The following ZSCAN12 variants were observed in gnomAD, a reference collection of about 807,000 sequenced individuals.
ZSCAN12 encodes the protein zinc finger and SCAN domain-containing protein 12.
A neutral mutation model predicts 23.4 loss-of-function variants in ZSCAN12; 18 were observed. The ratio of observed to expected loss-of-function variants is 0.77; its 90% confidence interval spans 0.53 to 1.14. The LOEUF is 1.14. Ranked by LOEUF, ZSCAN12 falls within the 50% of genes most tolerant of loss-of-function variation. ZSCAN12 has a pLI of 0.00. For synonymous variants in ZSCAN12, 186 were observed against 253.4 expected (o/e 0.73, Z 2.53); for missense variants, 650 against 735.0 (o/e 0.88, Z 1.34).
chr6:28,380,579 C>T (rs142387753), downstream of ZSCAN12: 92 of 153,854 alleles, frequency 6.0e-4, no homozygotes, highest in Middle Eastern at 0.017. Flanking sequence ...TCCCACATTC[C>T]TTATGGTGAC....
At chr6:28,381,153 A>G (rs548396244), downstream of ZSCAN12, 3 of 152,334 alleles carry the variant, frequency 2.0e-5, no homozygotes, top group East Asian at 5.8e-4. Context: ...AGTATAATCA[A>G]AAAAGAGAAG....
chr6:28,381,762 C>G (rs1400826523), downstream of ZSCAN12: 1 of 152,160 alleles, frequency 6.6e-6, no homozygotes, highest in Non-Finnish European at 1.5e-5. Context: ...TGATCTGAAA[C>G]CTTTCATTCC....
rs34325224 is a variant in ZSCAN12 at position 28,390,146 on chromosome 6, CTGT to C, written c.*305_*307del. On this transcript the variant is annotated 3_prime_UTR_variant, in exon 4 of 4. Coordinates refer to ENST00000684592, the MANE Select transcript of ZSCAN12 (RefSeq NM_001163391.2). ...CTTTAGAATTTACAGCACTTATAGT[CTGT>C]TACAAAGTACCACTTTCATTCGACA... 0.54 allele frequency among the ~76,000 whole-genome samples: 81,779 copies of C among 151,782 alleles called. 25,700 individuals are homozygous for C. The highest frequency in any genetic ancestry group is 0.88 in the African/African-American group (36,261 of 41,354).
downstream of ZSCAN12, chr6:28,382,676 T>A: frequency 6.6e-7 from 1 of 1,520,692 alleles, no homozygotes; most frequent in Non-Finnish European, 8.8e-7. Flanking sequence ...AAGAACTCAC[T>A]TATCTGAACA....
At chr6:28,398,567 C>T in intron 1 of ZSCAN12, 94 bp from the exon 2 acceptor site, 1 of 667,916 alleles carries the variant, frequency 1.5e-6, no homozygotes, top group Non-Finnish European at 2.4e-6. Flanking sequence ...AATCTGACCT[C>T]CGGATTAATG....
intron 2 of ZSCAN12, among the ~76,000 whole-genome samples, chr6:28,397,016 A>G (rs17393066): frequency 0.04 from 6,075 of 152,236 alleles, 121 homozygotes; most frequent in Middle Eastern, 0.071. Flanking sequence ...CCTAAGTTTC[A>G]AACTCTTTAT....
Position 28,390,442 on chromosome 6 carries a change from TC to T in ZSCAN12, c.*11del. On this transcript the variant is annotated 3_prime_UTR_variant, in exon 4 of 4. Transcript: ENST00000684592. ...CCGGCCTGAACTCTGTGAGATAACT[TC>T]CCTGTAGTCATCACACAGAAACAGA... is the stretch of plus-strand genomic sequence containing the variant. 1 of 1,522,164 alleles carries T rather than the reference TC, an allele frequency of 6.6e-7. No homozygotes were observed. The highest frequency in any genetic ancestry group is 8.8e-7 in the Non-Finnish European group (1 of 1,132,600). 94.3% of individuals were successfully genotyped at this position (1,522,164 alleles called of 1,614,324 possible).
rs1272275965 is a variant in ZSCAN12 at position 28,386,480 on chromosome 6, A to G, written c.*3974T>C. ...ATGCTTCAGAGGTTTCTGGTTTCCT[A>G]GGATCTTGTCACTGTCACACCACAT... On this transcript the variant is annotated 3_prime_UTR_variant, in exon 4 of 4. Transcript: ENST00000684592. Among the ~76,000 whole-genome samples, 1 of 152,198 alleles carries G rather than the reference A, an allele frequency of 6.6e-6. No homozygotes were observed. The highest frequency in any genetic ancestry group is 1.5e-5 in the Non-Finnish European group (1 of 68,016).
In ZSCAN12 at chr6:28,398,339, C is replaced by T. The variant is rs1361676270; in HGVS notation, c.67G>A (p.Glu23Lys). The T allele has an allele frequency of 1.9e-6, 3 of 1,554,564 alleles. No homozygotes were observed. The highest frequency in any genetic ancestry group is 1.7e-6 in the Non-Finnish European group (2 of 1,148,592). The change falls in exon 2 of 4, where the codon GAA becomes AAA. Residue 23 changes from glutamate (E) to lysine (K), a missense_variant. Transcript: ENST00000684592. ...QDEPLEVKIE[E>K]EKYTTRQDWD... is the part of the protein sequence containing the mutation. ...TCCTGTCTGGTGGTATATTTCTCTTCCTCTATCTTTACTTCCAAAGGTTCA... is the reference window on the plus strand; with the variant it reads ...TCCTGTCTGGTGGTATATTTCTCTTTCTCTATCTTTACTTCCAAAGGTTCA...
Position 28,391,157 on chromosome 6 carries a change from T to C in ZSCAN12, c.1133A>G (p.Lys378Arg). The C allele has an allele frequency of 3.2e-6, 5 of 1,552,080 alleles. No individual in the cohort carries two copies. The highest frequency in any genetic ancestry group is 1.2e-5 in the South Asian group (1 of 84,054). Reference protein sequence around the residue: ...SQKAGLFHHIKIHTRDKPYQC... With the variant: ...SQKAGLFHHIRIHTRDKPYQC... Reference sequence around the variant, plus strand: ...ATAAGGTTTGTCTCTTGTGTGGATCTTGATATGGTGAAAGAGGCCTGCTTT... The same window carrying C: ...ATAAGGTTTGTCTCTTGTGTGGATCCTGATATGGTGAAAGAGGCCTGCTTT... The change falls in exon 4 of 4, where the codon AAG becomes AGG. Residue 378 changes from lysine to arginine, a missense_variant. By Grantham distance (26) the Lys-to-Arg change is conservative. Coordinates refer to ENST00000684592, the MANE Select transcript of ZSCAN12 (RefSeq NM_001163391.2). This position sits in a 1 kb window ranked among gnomAD's most constrained non-coding sequence, Gnocchi z 4.1.
rs944964264 is a variant in ZSCAN12, at chr6:28,387,932, C to T, written c.*2522G>A. Among the ~76,000 whole-genome samples the T allele has an allele frequency of 2.0e-5, 3 of 152,162 alleles. No homozygotes were observed. The highest frequency in any genetic ancestry group is 4.4e-5 in the Non-Finnish European group (3 of 68,026). ...GTACTTTAGGACAGTAGTCTACCAT[C>T]GTCTCAGTTTGCTGGCTCTCCGAAT... On this transcript the variant is annotated 3_prime_UTR_variant, in exon 4 of 4. Transcript: ENST00000684592.
downstream of ZSCAN12, chr6:28,379,815 A>G (rs1760138140): frequency 6.6e-6 from 1 of 152,188 alleles, no homozygotes; most frequent in Non-Finnish European, 1.5e-5. Flanking sequence ...CAGACCAAAA[A>G]GAAAATAATA....
chr6:28,383,023 C>A (rs1415195485), downstream of ZSCAN12, among the ~76,000 whole-genome samples: 1 of 151,982 alleles, frequency 6.6e-6, no homozygotes, highest in Admixed American at 6.6e-5. Flanking sequence ...ATGCACCATG[C>A]ATGCAGCCAT....
chr6:28,398,181 CAGCCACTGA>C lies in ZSCAN12; in HGVS notation c.216_224del (p.His72_Leu75delinsGln). On this transcript the variant is annotated inframe_deletion, in exon 2 of 4. Transcript: ENST00000684592. Reference sequence around the variant, plus strand: ...GTTCTTTGGTGTGGGTCTCTGGCCTCAGCCACTGATGGCAAAGTTCTCGGAGTCGGCTCA... The same window carrying C: ...GTTCTTTGGTGTGGGTCTCTGGCCTCTGGCAAAGTTCTCGGAGTCGGCTCA... 2.5e-6 allele frequency: 4 copies of C among 1,614,102 alleles called. No individual in the cohort carries two copies. Among genetic ancestry groups the C allele is most frequent in the Non-Finnish European group, 2.5e-6 (3 of 1,180,002 alleles).
downstream of ZSCAN12, chr6:28,380,927 T>A (rs1260391009): frequency 6.5e-6 from 1 of 153,228 alleles, no homozygotes; most frequent in African/African-American, 2.4e-5. Flanking sequence ...GAAATGAGAT[T>A]TATGATAGGG....
In ZSCAN12 at chr6:28,390,636, G is replaced by T. The variant is rs771918112; in HGVS notation, c.1654C>A (p.Pro552Thr). Residue 552 changes from proline (P) to threonine (T), a missense_variant, in exon 4 of 4, where the codon CCC becomes ACC. By Grantham distance (38) the Pro-to-Thr change is conservative (BLOSUM62 -1). Coordinates refer to ENST00000684592, the MANE Select transcript of ZSCAN12 (RefSeq NM_001163391.2). ...QHQRIHTGEK[P>T]YQCDECGKAF... ...TTTCCACACTCATCACATTGGTAGGGCTTCTCCCCAGTGTGGATTCTCTGA... is the reference window on the plus strand; with the variant it reads ...TTTCCACACTCATCACATTGGTAGGTCTTCTCCCCAGTGTGGATTCTCTGA... The T allele has an allele frequency of 2.5e-6, 4 of 1,613,114 alleles. No individual in the cohort carries two copies. Among genetic ancestry groups the T allele is most frequent in the East Asian group, 2.2e-5 (1 of 44,854 alleles).
downstream of ZSCAN12, among the ~76,000 whole-genome samples, chr6:28,383,571 G>A (rs574382594): frequency 1.3e-5 from 2 of 152,318 alleles, no homozygotes; most frequent in African/African-American, 4.8e-5. Context: ...CATGCTCCCA[G>A]GCCGGGGCGC....
intron 3 of ZSCAN12, among the ~76,000 whole-genome samples, chr6:28,392,036 T>G (rs926102152): frequency 6.6e-6 from 1 of 152,130 alleles, no homozygotes; most frequent in African/African-American, 2.4e-5. Context: ...AAAATTTTTG[T>G]TTTTGAGCCA....
rs1331386353 is a variant in ZSCAN12 at position 28,390,508 on chromosome 6, TGAG to T, written c.1779_1781del (p.Asn593_Ser594delinsLys). The T allele has an allele frequency of 9.0e-6, 14 of 1,552,026 alleles. No homozygotes were observed. The highest frequency in any genetic ancestry group is 1.2e-5 in the Non-Finnish European group (14 of 1,147,814). On this transcript the variant is annotated inframe_deletion, in exon 4 of 4. Coordinates refer to ENST00000684592, the MANE Select transcript of ZSCAN12 (RefSeq NM_001163391.2). ...GGATAGTCTGATGTTGAGTAAGAGC[TGAG>T]TTCTGCCTGAATGATTTCCCACACT...
Sources: gnomAD v4.1 joint callset for allele counts (sites outside exome capture counted in the v4.1 genomes callset) on GRCh38, gnomAD v4.1.1 for gene constraint, Gnocchi (gnomAD v3.1) non-coding constraint, MANE v1.5 for transcripts, NCBI Gene and HGNC (gene_info 2026-07-23, HGNC 2026-07-21) for gene names.